The following GRIA1 variants were observed in gnomAD, a reference collection of about 807,000 sequenced individuals.
The protein encoded by GRIA1 is glutamate ionotropic receptor AMPA type subunit 1.
In GRIA1, 31 loss-of-function variants were observed where a neutral mutation model predicts 99.2. The ratio of observed to expected loss-of-function variants is 0.31; its 90% confidence interval spans 0.23 to 0.42. The LOEUF (loss-of-function observed/expected upper bound fraction) is 0.42. GRIA1 is among the 10% of genes least tolerant of loss of function. The probability of loss-of-function intolerance (pLI) is 1.00; values close to 1 mark genes in which losing one functional copy is unlikely to be tolerated. For synonymous variants in GRIA1, 438 were observed against 432.4 expected (o/e 1.01, Z -0.16); for missense variants, 782 against 1,157.5 (o/e 0.68, Z 4.71).
In GRIA1 at chr5:153,775,793, T is replaced by G. The variant is rs116521568; in HGVS notation, c.2270+5378T>G. ...AGGAGGAGAGTCAACGTTTGCGTGGTAGGATTTGCAATGGTGGAAGAATTG... is the reference window on the plus strand; with the variant it reads ...AGGAGGAGAGTCAACGTTTGCGTGGGAGGATTTGCAATGGTGGAAGAATTG... On this transcript the variant is annotated intron_variant, in intron 13 of 15. Transcript: ENST00000285900. Among the ~76,000 whole-genome samples the G allele has an allele frequency of 5.8e-3, 849 of 146,990 alleles. 8 individuals carry two copies. Among genetic ancestry groups the G allele is most frequent in the African/African-American group, 0.02 (810 of 39,978 alleles).
intron 2 of GRIA1, among the ~76,000 whole-genome samples, chr5:153,637,120 A>G (rs1179007259): frequency 6.6e-6 from 1 of 152,226 alleles, no homozygotes; most frequent in African/African-American, 2.4e-5. Flanking sequence ...CATAGTAAAC[A>G]CTCAATAGGT....
intron 10 of GRIA1, among the ~76,000 whole-genome samples, chr5:153,704,235 C>T (rs1269839228): frequency 2.0e-5 from 3 of 152,252 alleles, no homozygotes; most frequent in Non-Finnish European, 4.4e-5. Flanking sequence ...ACCTGCATAG[C>T]ATCTGTCACC....
At chr5:153,678,969 A>G (rs538674567) in intron 7 of GRIA1, among the ~76,000 whole-genome samples, 21 of 152,070 alleles carry the variant, frequency 1.4e-4, no homozygotes, top group African/African-American at 5.1e-4. Context: ...AAATTCAAAC[A>G]GTCTAATTTT....
intron 2 of GRIA1, among the ~76,000 whole-genome samples, chr5:153,518,820 G>A (rs1391840174): frequency 2.0e-5 from 3 of 152,122 alleles, no homozygotes; most frequent in African/African-American, 4.8e-5. Flanking sequence ...AAATAACTGG[G>A]CCATGGGGAC....
At chr5:153,611,919 A>G (rs371251120) in intron 2 of GRIA1, among the ~76,000 whole-genome samples, 32 of 152,332 alleles carry the variant, frequency 2.1e-4, no homozygotes, top group African/African-American at 7.5e-4. Context: ...AAAAGGTGCC[A>G]GACTGGGTCT....
At chr5:153,773,638 T>A (rs1284863293) in intron 13 of GRIA1, among the ~76,000 whole-genome samples, 1 of 152,122 alleles carries the variant, frequency 6.6e-6, no homozygotes, top group Non-Finnish European at 1.5e-5. Flanking sequence ...TTTGCATACA[T>A]CTCTGTAAAC....
chr5:153,541,928 C>A (rs1324461525), intron 2 of GRIA1, among the ~76,000 whole-genome samples: 71 of 97,430 alleles, frequency 7.3e-4, no homozygotes, highest in Non-Finnish European at 1.1e-3. Context: ...GATCCTGTTT[C>A]AAAAAAAAAA....
At chr5:153,647,263 T>C (rs985988156) in intron 3 of GRIA1, 96 bp downstream of exon 3, 1 of 1,402,866 alleles carries the variant, frequency 7.1e-7, no homozygotes, top group Non-Finnish European at 9.8e-7. Flanking sequence ...CTGAAAAATA[T>C]GGGAAAATTA....
chr5:153,508,281 C>T (rs72800726), intron 2 of GRIA1, among the ~76,000 whole-genome samples: 6,422 of 152,230 alleles, frequency 0.042, 184 homozygotes, highest in Middle Eastern at 0.11. Flanking sequence ...AATATGTAGG[C>T]ACTAGCAACA....
chr5:153,593,246 GAC>G (rs905512387), intron 2 of GRIA1, among the ~76,000 whole-genome samples: 1 of 152,154 alleles, frequency 6.6e-6, no homozygotes, highest in Non-Finnish European at 1.5e-5. Flanking sequence ...CCACCTGGGT[GAC>G]AGAGTAAAAT....
At chr5:153,514,019 C>G (rs1417397874) in intron 2 of GRIA1, among the ~76,000 whole-genome samples, 2 of 152,278 alleles carry the variant, frequency 1.3e-5, no homozygotes, top group East Asian at 3.9e-4. Flanking sequence ...TGCAACACAC[C>G]TCTAAGCCTT....
intron 11 of GRIA1, among the ~76,000 whole-genome samples, chr5:153,746,149 T>C (rs1762141527): frequency 1.3e-5 from 2 of 151,466 alleles, no homozygotes; most frequent in South Asian, 4.2e-4. Context: ...TTAATAATTC[T>C]CTTTACTGCC....
chr5:153,574,165 T>C (rs1295810850), intron 2 of GRIA1, among the ~76,000 whole-genome samples: 1 of 152,222 alleles, frequency 6.6e-6, no homozygotes, highest in Non-Finnish European at 1.5e-5. Context: ...AGTTGTTTAA[T>C]CTCTTAGAGA....
At chr5:153,603,479 G>T (rs563728725) in intron 2 of GRIA1, among the ~76,000 whole-genome samples, 1 of 151,902 alleles carries the variant, frequency 6.6e-6, no homozygotes, top group East Asian at 1.9e-4. Flanking sequence ...TCTAGTTCTA[G>T]ATCCCTGAGG....
At chr5:153,575,919 A>G (rs1762493792) in intron 2 of GRIA1, among the ~76,000 whole-genome samples, 1 of 152,230 alleles carries the variant, frequency 6.6e-6, no homozygotes, top group Non-Finnish European at 1.5e-5. Flanking sequence ...GTTCTTAGAC[A>G]CAACCCTAGG....
intron 7 of GRIA1, among the ~76,000 whole-genome samples, chr5:153,682,097 A>G (rs1757013824): frequency 6.6e-6 from 1 of 151,794 alleles, no homozygotes; most frequent in Non-Finnish European, 1.5e-5. Flanking sequence ...TGCATGAGAC[A>G]GTCAGAGCCA....
At chr5:153,654,516 G>A (rs540205855) in intron 4 of GRIA1, among the ~76,000 whole-genome samples, 8 of 152,178 alleles carry the variant, frequency 5.3e-5, no homozygotes, top group East Asian at 3.9e-4. Flanking sequence ...AAAAAGTAAC[G>A]AAGAATTATT....
rs139978716 is a variant in GRIA1, at chr5:153,745,962, T to A, written c.1824-18472T>A. Reference sequence around the variant, plus strand: ...TGTCCAGATAAGCACATTGTGCTTGTCCTCACGACAGCCCTTTTAGGTTGT... The same window carrying A: ...TGTCCAGATAAGCACATTGTGCTTGACCTCACGACAGCCCTTTTAGGTTGT... On this transcript the variant is annotated intron_variant, in intron 11 of 15. Transcript: ENST00000285900. Among the ~76,000 whole-genome samples the A allele has an allele frequency of 8.4e-3, 1,280 of 152,344 alleles. 7 individuals carry two copies. Among genetic ancestry groups the A allele is most frequent in the South Asian group, 0.014 (66 of 4,826 alleles).
intron 2 of GRIA1, among the ~76,000 whole-genome samples, chr5:153,495,307 A>C (rs926864422): frequency 6.6e-6 from 1 of 152,182 alleles, no homozygotes; most frequent in African/African-American, 2.4e-5. Flanking sequence ...TAGCTCATTT[A>C]ATCCTCACAG....
Sources: allele counts gnomAD v4.1 joint callset (sites outside exome capture counted in the v4.1 genomes callset), GRCh38; gene constraint gnomAD v4.1.1; transcripts MANE v1.5; gene names NCBI Gene and HGNC (gene_info 2026-07-23, HGNC 2026-07-21).